The following FAM149A variants were observed in gnomAD, a reference collection of about 807,000 sequenced individuals.
FAM149A encodes the protein family with sequence similarity 149 member A.
In FAM149A, 71 loss-of-function variants were observed where a neutral mutation model predicts 78.2. The ratio of observed to expected loss-of-function variants is 0.91; its 90% CI spans 0.75 to 1.11. FAM149A has a LOEUF of 1.11. Ranked by LOEUF, FAM149A falls within the 50% of genes least tolerant of loss-of-function variation. The pLI is 0.00. For synonymous variants in FAM149A, 446 were observed against 410.5 expected (o/e 1.09, Z -1.04); for missense variants, 1,036 against 971.0 (o/e 1.07, Z -0.89).
intron 1 of FAM149A, among the ~76,000 whole-genome samples, chr4:186,142,171 G>A (rs1382690755): frequency 6.6e-6 from 1 of 152,200 alleles, no homozygotes; most frequent in Non-Finnish European, 1.5e-5. Flanking sequence ...AAGGCAGCAG[G>A]AGCCTGCTGG....
intron 1 of FAM149A, among the ~76,000 whole-genome samples, chr4:186,122,582 T>C (rs1480532445): frequency 6.6e-6 from 1 of 152,226 alleles, no homozygotes; most frequent in Non-Finnish European, 1.5e-5. Context: ...TTTAATATGG[T>C]AAAATATTAA....
chr4:186,153,600 C>T, intron 4 of FAM149A, 45 bp from the exon 5 acceptor site: 2 of 1,591,598 alleles, frequency 1.3e-6, no homozygotes, highest in Middle Eastern at 1.7e-4. Flanking sequence ...AACATTTTCC[C>T]TTTGTCTGAT....
At chr4:186,163,035 C>A in intron 9 of FAM149A, 87 bp downstream of exon 9, 1 of 795,600 alleles carries the variant, frequency 1.3e-6, no homozygotes, top group Non-Finnish European at 2.2e-6. Context: ...GACATGAGAT[C>A]ACGAAGGTCC....
intron 11 of FAM149A, among the ~76,000 whole-genome samples, chr4:186,166,649 TAAAAAAAAAAA>T (rs76402174): frequency 9.5e-6 from 1 of 105,034 alleles, no homozygotes; most frequent in Non-Finnish European, 1.8e-5. Flanking sequence ...AGACTCTGTT[TAAAAAAAAAAA>T]AAAAAAAAAA....
intron 8 of FAM149A, chr4:186,158,734 T>C: frequency 9.5e-7 from 1 of 1,051,634 alleles, no homozygotes; most frequent in Non-Finnish European, 1.1e-6. Context: ...CCCCTGTGCC[T>C]ATTCAGCCGT....
At chr4:186,155,943 A>G (rs1734004849) in intron 6 of FAM149A, 57 bp from the exon 7 acceptor site, 1 of 1,418,042 alleles carries the variant, frequency 7.1e-7, no homozygotes. Context: ...TGTAGATAGA[A>G]TTATTTTAAC....
At chr4:186,151,634 A>G (rs1007142367) in intron 3 of FAM149A, 3 of 678,606 alleles carry the variant, frequency 4.4e-6, no homozygotes, top group South Asian at 6.6e-5. Context: ...CTATACCTCT[A>G]TCTATGCAAA....
chr4:186,157,592 A>G lies in FAM149A; in HGVS notation c.1448A>G (p.Lys483Arg). Residue 483 changes from lysine (K) to arginine (R), a missense_variant, in exon 8 of 14, where the codon AAA (lysine) becomes AGA (arginine). Physicochemically the swap from Lys to Arg is conservative, Grantham distance 26. Around this residue, in one of 3 missense-constraint regions of FAM149A, gnomAD observed 716 missense variants for 711.8 expected, o/e 1.01. Coordinates refer to ENST00000389354, the MANE Select transcript of FAM149A (RefSeq NM_001367768.3). ...GGGAAAAAACAGAGAGAAACATTGA[A>G]AGTGGCTGGAAACAGATTTCCGCAC... The G allele has an allele frequency of 6.2e-7, 1 of 1,614,208 alleles. No individual in the cohort carries two copies. Among genetic ancestry groups the G allele is most frequent in the Non-Finnish European group, 8.5e-7 (1 of 1,179,998 alleles).
At chr4:186,168,543 A>G (rs1018964804) in intron 13 of FAM149A, among the ~76,000 whole-genome samples, 2 of 152,070 alleles carry the variant, frequency 1.3e-5, no homozygotes, top group Non-Finnish European at 2.9e-5. Context: ...TTTAGTGGAG[A>G]TGAGGTTTCA....
chr4:186,144,053 CACTA>C lies in FAM149A; in HGVS notation c.567-5116_567-5113del, dbSNP rs967911120. 2 of 152,246 alleles carry C rather than the reference CACTA, an allele frequency of 1.3e-5. No individual in the cohort carries two copies. Among genetic ancestry groups the C allele is most frequent in the South Asian group, 2.1e-4 (1 of 4,818 alleles). The allele number at this position is 152,246 out of a possible 1,614,324, so 9.4% of individuals were successfully genotyped here. A position where few individuals can be genotyped will look rare whatever the true frequency, so the allele number is the denominator to read the frequency against. On this transcript the variant is annotated intron_variant, in intron 1 of 13. Coordinates refer to ENST00000389354, the MANE Select transcript of FAM149A (RefSeq NM_001367768.3). This position sits in a 1 kb window ranked among gnomAD's most constrained non-coding sequence, Gnocchi z 4.2. Reference sequence around the variant, plus strand: ...ATGAGTGTTGTACCGGCACCCAGTGCACTAACTGTCATTACTAAAATCCCTGTCG... The same window carrying C: ...ATGAGTGTTGTACCGGCACCCAGTGCACTGTCATTACTAAAATCCCTGTCG...
At chr4:186,159,532 G>T (rs754150969) in intron 8 of FAM149A, among the ~76,000 whole-genome samples, 1 of 152,084 alleles carries the variant, frequency 6.6e-6, no homozygotes, top group African/African-American at 2.4e-5. Context: ...GAATCGAGAG[G>T]CCTGAGAGGA....
At position 186,104,993 on chromosome 4, in the gene FAM149A, C is replaced by G. The variant is rs866830876; in HGVS notation, c.-84C>G. ...CCGGGTGCGGGGACCTCAGGCTCCT[C>G]GCCCCGGCCCGGGCCGCCTCGGCCG... is the stretch of plus-strand genomic sequence containing the variant. On this transcript the variant is annotated 5_prime_UTR_variant, in exon 1 of 14. Transcript: ENST00000389354. The G allele has an allele frequency of 8.2e-7, 1 of 1,224,566 alleles. No individual in the cohort carries two copies. The highest frequency in any genetic ancestry group is 8.5e-5 in the East Asian group (1 of 11,768). 75.9% of individuals were successfully genotyped at this position (1,224,566 alleles called of 1,614,324 possible).
At chr4:186,148,751 A>G (rs73873736) in intron 1 of FAM149A, among the ~76,000 whole-genome samples, 2 of 152,272 alleles carry the variant, frequency 1.3e-5, no homozygotes, top group African/African-American at 4.8e-5. Flanking sequence ...TATGGGATTA[A>G]TGATTTTTTT....
intron 3 of FAM149A, among the ~76,000 whole-genome samples, chr4:186,150,496 T>G (rs1413068570): frequency 7.2e-5 from 9 of 125,832 alleles, no homozygotes; most frequent in East Asian, 2.7e-4. Context: ...CTCGGCTCAC[T>G]GCAAGCTCCG....
Position 186,164,385 on chromosome 4 carries a change from T to A in FAM149A, c.1889+752T>A. 1 of 830,364 alleles carries A rather than the reference T, an allele frequency of 1.2e-6. No individual in the cohort carries two copies. The allele number at this position is 830,364 out of a possible 1,614,324, so 51.4% of individuals were successfully genotyped here. On this transcript the variant is annotated intron_variant, in intron 10 of 13. Transcript: ENST00000389354. This position sits in a 1 kb window ranked among gnomAD's most constrained non-coding sequence, Gnocchi z 4.0. ...GACACACCCACAAGTGCTCTCAGGC[T>A]TTAGAGACCACCCACTGGACCCCCG...
intron 1 of FAM149A, chr4:186,118,111 A>G (rs1372293364): frequency 1.0e-6 from 1 of 985,282 alleles, no homozygotes; most frequent in East Asian, 1.1e-4. Flanking sequence ...GAAGTTAAGG[A>G]CTGGAAGTAT....
At chr4:186,129,774 C>T (rs1201072864) in intron 1 of FAM149A, among the ~76,000 whole-genome samples, 1 of 152,124 alleles carries the variant, frequency 6.6e-6, no homozygotes, top group South Asian at 2.1e-4. Flanking sequence ...TACCAGACAC[C>T]AGTTAAATAG....
chr4:186,144,752 G>C lies in FAM149A; in HGVS notation c.567-4421G>C, dbSNP rs2126429851. The C allele has an allele frequency of 2.2e-6, 2 of 901,154 alleles. No individual in the cohort carries two copies. The highest frequency in any genetic ancestry group is 2.6e-6 in the Non-Finnish European group (2 of 759,566). 55.8% of individuals were successfully genotyped at this position (901,154 alleles called of 1,614,324 possible). A position where few individuals can be genotyped will look rare whatever the true frequency, so the allele number is the denominator to read the frequency against. On this transcript the variant is annotated intron_variant, in intron 1 of 13. Coordinates refer to ENST00000389354, the MANE Select transcript of FAM149A (RefSeq NM_001367768.3). The surrounding 1 kb of genome is among the most constrained non-coding windows in gnomAD (Gnocchi z 4.2). ...GCCGGGGCCGGGGCCGGGGCCCGGA[G>C]CGGGGATGGGCGGGCGCAGCCGGGA...
intron 8 of FAM149A, among the ~76,000 whole-genome samples, chr4:186,162,593 C>T (rs938132157): frequency 6.6e-6 from 1 of 152,210 alleles, no homozygotes; most frequent in Non-Finnish European, 1.5e-5. Flanking sequence ...GAACCTCTCT[C>T]TCACTTCTGG....
Sources: gnomAD v4.1 joint callset for allele counts (sites outside exome capture counted in the v4.1 genomes callset) on GRCh38, gnomAD v4.1.1 for gene constraint, gnomAD v4.1.1 regional missense constraint, Gnocchi (gnomAD v3.1) non-coding constraint, MANE v1.5 for transcripts, NCBI Gene and HGNC (gene_info 2026-07-23, HGNC 2026-07-21) for gene names.